LAPTM4B: variants seen among roughly 807,000 people sequenced by gnomAD.
LAPTM4B encodes lysosomal-associated transmembrane protein 4B.
A neutral mutation model predicts 28.5 loss-of-function variants in LAPTM4B; 26 were observed. That is an observed-to-expected ratio of 0.91 (90% CI 0.67 to 1.27). LAPTM4B has a LOEUF of 1.27. Among genes scored for constraint, LAPTM4B ranks in the 50% most tolerant of loss-of-function variants. The pLI, the probability that LAPTM4B is intolerant of heterozygous loss-of-function variation, is 0.00. For missense variants in LAPTM4B, 288 were observed against 285.8 expected (o/e 1.01, Z -0.06); for synonymous variants, 109 against 106.4 (o/e 1.02, Z -0.15).
chr8:97,826,581 T>C (rs1226807728), intron 6 of LAPTM4B, among the ~76,000 whole-genome samples: 1 of 151,156 alleles, frequency 6.6e-6, no homozygotes, highest in Non-Finnish European at 1.5e-5. Context: ...TGATCTCGTC[T>C]CACTGCAGCC....
At chr8:97,792,233 G>A (rs1816510729) in intron 1 of LAPTM4B, among the ~76,000 whole-genome samples, 1 of 152,006 alleles carries the variant, frequency 6.6e-6, no homozygotes, top group Admixed American at 6.6e-5. Context: ...GTGCTGTAGA[G>A]TTTTTCTTAA....
intron 1 of LAPTM4B, among the ~76,000 whole-genome samples, chr8:97,780,231 G>T (rs1816287855): frequency 6.6e-6 from 1 of 151,842 alleles, no homozygotes; most frequent in South Asian, 2.1e-4. Flanking sequence ...TTTGAGACCA[G>T]CCTGGCTAAC....
intron 6 of LAPTM4B, among the ~76,000 whole-genome samples, chr8:97,826,271 A>G (rs1180607392): frequency 2.0e-5 from 3 of 152,164 alleles, no homozygotes; most frequent in Non-Finnish European, 2.9e-5. Flanking sequence ...CAGTGGTTTA[A>G]TAGACAGCCA....
At chr8:97,802,867 A>G (rs540848451) in intron 1 of LAPTM4B, among the ~76,000 whole-genome samples, 4 of 152,238 alleles carry the variant, frequency 2.6e-5, no homozygotes, top group Admixed American at 2.0e-4. Flanking sequence ...TCGAAAAGCA[A>G]TCAGCTTTTA....
chr8:97,786,702 A>G (rs370161662), intron 1 of LAPTM4B, among the ~76,000 whole-genome samples: 106 of 106,974 alleles, frequency 9.9e-4, no homozygotes, highest in Middle Eastern at 5.8e-3. Context: ...CCCGTCTCAG[A>G]AAAAAAAAAA....
At chr8:97,839,964 C>T (rs1414859315) in intron 6 of LAPTM4B, among the ~76,000 whole-genome samples, 1 of 152,168 alleles carries the variant, frequency 6.6e-6, no homozygotes, top group Non-Finnish European at 1.5e-5. Flanking sequence ...AGGTCATGAG[C>T]AGTCCCTGCA....
intron 6 of LAPTM4B, among the ~76,000 whole-genome samples, chr8:97,835,880 G>C (rs1817252380): frequency 1.6e-5 from 2 of 126,106 alleles, no homozygotes; most frequent in Non-Finnish European, 3.7e-5. Context: ...CAGGAGGTGA[G>C]CAGCGGGCGC....
chr8:97,800,446 A>G (rs1006129081), intron 1 of LAPTM4B, among the ~76,000 whole-genome samples: 4 of 143,466 alleles, frequency 2.8e-5, no homozygotes, highest in African/African-American at 1.1e-4. Context: ...CTCTGGCCAG[A>G]TGACATTCTT....
At chr8:97,785,821 A>AG in intron 1 of LAPTM4B, among the ~76,000 whole-genome samples, 1 of 152,312 alleles carries the variant, frequency 6.6e-6, no homozygotes, top group Middle Eastern at 3.4e-3. Flanking sequence ...CTCAAAAGGG[A>AG]GGGGGAGTAG....
intron 1 of LAPTM4B, among the ~76,000 whole-genome samples, chr8:97,789,196 C>T (rs111842249): frequency 0.059 from 8,969 of 151,706 alleles, 802 homozygotes; most frequent in East Asian, 0.36. Context: ...GCCTCAGCCT[C>T]CCAAGTAGCT....
In LAPTM4B at chr8:97,815,378, A is replaced by G. The variant is rs777064995; in HGVS notation, c.262A>G (p.Met88Val). 6.2e-6 allele frequency: 10 copies of G among 1,613,730 alleles called. No individual in the cohort carries two copies. The South Asian group carries it at 8.8e-5, about 14-fold the overall frequency. ...TCTTCTCATGATCCTGATATGTGCT[A>G]TGGCTACTTACGGAGCGTACAAGGT... Reference protein sequence around the residue: ...ISLLMILICAMATYGAYKQRA... With the variant: ...ISLLMILICAVATYGAYKQRA... The change falls in exon 3 of 7, where the codon ATG becomes GTG. Residue 88 changes from methionine (M) to valine (V), a missense_variant. Transcript: ENST00000521545.
At chr8:97,797,857 G>A (rs925104734) in intron 1 of LAPTM4B, among the ~76,000 whole-genome samples, 2 of 152,166 alleles carry the variant, frequency 1.3e-5, no homozygotes, top group Admixed American at 1.3e-4. Context: ...TTAGAAATTG[G>A]ACAGAAGTTG....
intron 1 of LAPTM4B, among the ~76,000 whole-genome samples, chr8:97,785,147 G>A (rs1421216999): frequency 6.6e-6 from 1 of 150,992 alleles, no homozygotes; most frequent in Non-Finnish European, 1.5e-5. Context: ...GTGCAGTGGT[G>A]CCATCTCGGT....
intron 6 of LAPTM4B, among the ~76,000 whole-genome samples, chr8:97,837,853 A>C (rs1252228338): frequency 1.3e-5 from 2 of 152,184 alleles, no homozygotes; most frequent in East Asian, 3.8e-4. Context: ...CTTCTTGCCT[A>C]CTAAGTTTAG....
chr8:97,806,323 T>C (rs1816755304), intron 2 of LAPTM4B, among the ~76,000 whole-genome samples: 1 of 151,342 alleles, frequency 6.6e-6, no homozygotes, highest in South Asian at 2.1e-4. Flanking sequence ...CCTGGGAGAG[T>C]GGTATTGGGG....
intron 6 of LAPTM4B, among the ~76,000 whole-genome samples, chr8:97,833,099 C>G (rs890503810): frequency 6.6e-6 from 1 of 150,706 alleles, no homozygotes; most frequent in African/African-American, 2.4e-5. Flanking sequence ...TTCGGGAGGC[C>G]GAGGTGGGTG....
chr8:97,832,431 T>G (rs1817194624), intron 6 of LAPTM4B, among the ~76,000 whole-genome samples: 1 of 152,208 alleles, frequency 6.6e-6, no homozygotes, highest in African/African-American at 2.4e-5. Flanking sequence ...TTGGTCAGTC[T>G]CTGTCATTTT....
Position 97,777,137 on chromosome 8 carries a change from G to GTTTTT in LAPTM4B, c.99+1052_99+1056dup, listed in dbSNP as rs1176218610. 8.3e-4 allele frequency among the ~76,000 whole-genome samples: 70 copies of GTTTTT among 83,848 alleles called. 11 individuals are homozygous for GTTTTT. The highest frequency in any genetic ancestry group is 2.3e-3 in the African/African-American group (50 of 21,422). The allele number at this position is 83,848 out of a possible 152,430, so 55.0% of individuals were successfully genotyped here. A position where few individuals can be genotyped will look rare whatever the true frequency, so the allele number is the denominator to read the frequency against. ...AGCATATATAACTTTTTTCAGTGAG[G>GTTTTT]TTTTTTTTTTTTTTTTTTTTTTTTT... On this transcript the variant is annotated intron_variant, in intron 1 of 6. Coordinates refer to ENST00000521545, the MANE Select transcript of LAPTM4B (RefSeq NM_018407.6).
At chr8:97,798,571 A>G (rs1443660276) in intron 1 of LAPTM4B, among the ~76,000 whole-genome samples, 1 of 152,084 alleles carries the variant, frequency 6.6e-6, no homozygotes, top group East Asian at 1.9e-4. Flanking sequence ...CCCGAGAGAA[A>G]GAACACAGGG....
Sources: allele counts gnomAD v4.1 joint callset (sites outside exome capture counted in the v4.1 genomes callset), GRCh38; gene constraint gnomAD v4.1.1; transcripts MANE v1.5; gene names NCBI Gene and HGNC (gene_info 2026-07-23, HGNC 2026-07-21).